NIPBL: variants seen among roughly 807,000 people sequenced by gnomAD.
The protein encoded by NIPBL is NIPBL cohesin loading factor.
In NIPBL, 19 loss-of-function variants were observed where a neutral mutation model predicts 321.8. The ratio of observed to expected loss-of-function variants is 0.06; its 90% CI spans 0.04 to 0.09. The LOEUF (loss-of-function observed/expected upper bound fraction) is 0.09, where lower values mean the gene tolerates loss of function less well. Among genes scored for constraint, NIPBL ranks in the 10% least tolerant of loss-of-function variants. The pLI is 1.00. For missense variants in NIPBL, 2,210 were observed against 3,327.0 expected (o/e 0.66, Z 8.26); for synonymous variants, 1,106 against 1,114.1 (o/e 0.99, Z 0.14).
Position 36,981,539 on chromosome 5 carries a change from T to C in NIPBL, c.1496-3137T>C, listed in dbSNP as rs981718092. On this transcript the variant is annotated intron_variant, in intron 9 of 46. Coordinates refer to ENST00000282516, the MANE Select transcript of NIPBL (RefSeq NM_133433.4). ...TTATAATATTCCAAAAGGACCCTTT[T>C]CTCAATCTTTTTGCTCATACTTTTA... is the stretch of plus-strand genomic sequence containing the variant. Among the ~76,000 whole-genome samples, 6 of 151,766 alleles carry C rather than the reference T, an allele frequency of 4.0e-5. No individual in the cohort carries two copies. In the East Asian group the frequency reaches 1.2e-3, roughly 29 times the overall value.
At position 36,976,208 on chromosome 5, in the gene NIPBL, T is replaced by C; in HGVS notation, c.1301T>C (p.Val434Ala). ...EQTAFLPANQVPVLQQNTSVA... is the reference protein window; with the variant it reads ...EQTAFLPANQAPVLQQNTSVA... ...ACAGCATTCCTTCCAGCAAATCAAGTGCCTGTTTTACAACAGAACACTTCA... is the reference window on the plus strand; with the variant it reads ...ACAGCATTCCTTCCAGCAAATCAAGCGCCTGTTTTACAACAGAACACTTCA... Residue 434 changes from valine to alanine, a missense_variant, in exon 9 of 47, where the codon GTG (valine) becomes GCG (alanine). By Grantham distance (64) the Val-to-Ala change is moderately conservative. Transcript: ENST00000282516. 1 of 1,613,168 alleles carries C rather than the reference T, an allele frequency of 6.2e-7. No individual in the cohort carries two copies. Among genetic ancestry groups the C allele is most frequent in the East Asian group, 2.2e-5 (1 of 44,856 alleles).
intron 29 of NIPBL, 142 bp from the exon 30 acceptor site, chr5:37,024,439 CAGAA>C: frequency 1.7e-6 from 1 of 580,668 alleles, no homozygotes; most frequent in Non-Finnish European, 3.1e-6. Context: ...TTTATAGTAG[CAGAA>C]AGCATGTAAA....
At chr5:37,063,524 AT>A (rs1755030344) in intron 45 of NIPBL, among the ~76,000 whole-genome samples, 1 of 152,232 alleles carries the variant, frequency 6.6e-6, no homozygotes. Flanking sequence ...TATTGAAAAC[AT>A]TCATGCCCAC....
chr5:36,904,190 G>A (rs1428808156), intron 1 of NIPBL, among the ~76,000 whole-genome samples: 1 of 152,250 alleles, frequency 6.6e-6, no homozygotes, highest in African/African-American at 2.4e-5. Flanking sequence ...TAAAAACTGG[G>A]CCGGGTGCGG....
chr5:37,066,188 ACACT>A lies in NIPBL; in HGVS notation c.*1299_*1302del, dbSNP rs1561236042. The A allele has an allele frequency of 1.3e-5, 2 of 152,170 alleles. No individual in the cohort carries two copies. Among genetic ancestry groups the A allele is most frequent in the Admixed American group, 6.6e-5 (1 of 15,264 alleles). The allele number at this position is 152,170 out of a possible 1,614,324, so 9.4% of individuals were successfully genotyped here. A position where few individuals can be genotyped will look rare whatever the true frequency, so the allele number is the denominator to read the frequency against. ...TTTAATCATTTGATATGTATAGTTG[ACACT>A]CAGGAATAGTAATGCCTAAAATTTA... On this transcript the variant is annotated 3_prime_UTR_variant, in exon 47 of 47. Coordinates refer to ENST00000282516, the MANE Select transcript of NIPBL (RefSeq NM_133433.4).
intron 32 of NIPBL, among the ~76,000 whole-genome samples, chr5:37,032,800 A>G (rs1436785936): frequency 6.6e-6 from 1 of 152,158 alleles, no homozygotes; most frequent in African/African-American, 2.4e-5. Context: ...TTTTAATGGT[A>G]GAATCTAGAT....
chr5:36,990,690 T>C (rs576693594), intron 10 of NIPBL, among the ~76,000 whole-genome samples: 2 of 152,214 alleles, frequency 1.3e-5, no homozygotes, highest in Non-Finnish European at 2.9e-5. Flanking sequence ...TTTGTACTCA[T>C]GATTTCCATT....
chr5:36,963,498 T>C (rs879271465), intron 6 of NIPBL, among the ~76,000 whole-genome samples: 2 of 152,018 alleles, frequency 1.3e-5, no homozygotes, highest in Non-Finnish European at 2.9e-5. Context: ...GGAAGCAAAT[T>C]TGACACATTT....
At chr5:36,929,335 A>G (rs555114492) in intron 1 of NIPBL, among the ~76,000 whole-genome samples, 2 of 151,860 alleles carry the variant, frequency 1.3e-5, no homozygotes, top group Non-Finnish European at 2.9e-5. Flanking sequence ...TTTTTTTTGT[A>G]TATTTATAAG....
chr5:36,996,955 C>G lies in NIPBL; in HGVS notation c.3304+1151C>G, dbSNP rs1259108037. 6.6e-6 allele frequency: 1 copy of G among 152,444 alleles called. No homozygotes were observed. Among genetic ancestry groups the G allele is most frequent in the Non-Finnish European group, 1.5e-5 (1 of 68,566 alleles). 9.4% of individuals were successfully genotyped at this position (152,444 alleles called of 1,614,324 possible). A position where few individuals can be genotyped will look rare whatever the true frequency, so the allele number is the denominator to read the frequency against. ...TGAGCAGTAGACTATGAATACTGAA[C>G]AAATCTGAAAAAAGTTTTAAAATTG... On this transcript the variant is annotated intron_variant, in intron 11 of 46. Transcript: ENST00000282516. This position sits in a 1 kb window ranked among gnomAD's most constrained non-coding sequence, Gnocchi z 5.0.
In NIPBL at chr5:36,976,405, A is replaced by G; in HGVS notation, c.1495+3A>G. ...CTCAAAAGAAGTTCAAGATAAAGGT[A>G]AAATAATCTCATTATTACCACTTCA... On this transcript the variant is annotated splice_donor_region_variant and intron_variant, in intron 9 of 46. Coordinates refer to ENST00000282516, the MANE Select transcript of NIPBL (RefSeq NM_133433.4). 1.2e-6 allele frequency: 2 copies of G among 1,603,254 alleles called. No homozygotes were observed.
In NIPBL at chr5:36,985,310, G is replaced by C. The variant is rs748391164; in HGVS notation, c.2130G>C (p.Arg710=). 6.2e-7 allele frequency: 1 copy of C among 1,613,592 alleles called. No individual in the cohort carries two copies. The highest frequency in any genetic ancestry group is 1.3e-5 in the African/African-American group (1 of 74,946). Residue 710 remains arginine (R), a synonymous_variant, in exon 10 of 47, where the codon CGG becomes CGC. Transcript: ENST00000282516. ...PETPKQKGES[R]PETPKQKSDG... ...CCCCAAAGCAAAAGGGTGAAAGCCG[G>C]CCTGAGACTCCAAAACAAAAGAGTG...
chr5:36,979,007 G>A (rs1004895728), intron 9 of NIPBL, among the ~76,000 whole-genome samples: 27 of 152,072 alleles, frequency 1.8e-4, no homozygotes, highest in Admixed American at 7.9e-4. Flanking sequence ...AGTGTAGTTT[G>A]AAGTTTCCTA....
chr5:37,019,823 T>C (rs1043516529), intron 25 of NIPBL, among the ~76,000 whole-genome samples: 17 of 152,234 alleles, frequency 1.1e-4, no homozygotes, highest in African/African-American at 4.1e-4. Context: ...AACCAAAATA[T>C]TAGTATAAGA....
intron 1 of NIPBL, among the ~76,000 whole-genome samples, chr5:36,896,599 T>G (rs1023244537): frequency 6.6e-5 from 10 of 152,102 alleles, no homozygotes; most frequent in Non-Finnish European, 1.2e-4. Flanking sequence ...TTTCCTTTAG[T>G]GTTTTGTTTG....
At chr5:37,008,931 C>A (rs776967283) in intron 20 of NIPBL, among the ~76,000 whole-genome samples, 4 of 152,172 alleles carry the variant, frequency 2.6e-5, no homozygotes, top group Non-Finnish European at 4.4e-5. Flanking sequence ...GGGTAAAGAT[C>A]TGTGGCAGGG....
intron 1 of NIPBL, among the ~76,000 whole-genome samples, chr5:36,949,375 A>G (rs1197266563): frequency 6.6e-6 from 1 of 151,880 alleles, no homozygotes; most frequent in Non-Finnish European, 1.5e-5. Context: ...TTAAGTGTCC[A>G]TGTGCCAGAT....
chr5:37,000,642 T>C, intron 12 of NIPBL, 72 bp downstream of exon 12: 1 of 1,460,450 alleles, frequency 6.8e-7, no homozygotes, highest in Admixed American at 1.7e-5. Context: ...TGAAGAATAT[T>C]TTATATCTTT....
chr5:36,912,000 C>T (rs1748085918), intron 1 of NIPBL, among the ~76,000 whole-genome samples: 1 of 152,068 alleles, frequency 6.6e-6, no homozygotes, highest in South Asian at 2.1e-4. Flanking sequence ...GTCATTTGAT[C>T]AAATTCGTGT....
Sources: allele counts gnomAD v4.1 joint callset (sites outside exome capture counted in the v4.1 genomes callset), GRCh38; gene constraint gnomAD v4.1.1; non-coding constraint Gnocchi (gnomAD v3.1); transcripts MANE v1.5; gene names NCBI Gene and HGNC (gene_info 2026-07-23, HGNC 2026-07-21).